KCNH7: variants seen among roughly 807,000 people sequenced by gnomAD.
KCNH7 encodes potassium voltage-gated channel subfamily H member 7, also known as voltage-gated inwardly rectifying potassium channel KCNH7.
In KCNH7, 49 loss-of-function variants were observed where a neutral mutation model predicts 120.8. The observed-to-expected ratio is 0.41, with a 90% CI of 0.32 to 0.51. The LOEUF is 0.51. Among genes scored for constraint, KCNH7 ranks in the 20% least tolerant of loss-of-function variants. The pLI, the probability that KCNH7 is intolerant of heterozygous loss-of-function variation, is 0.38. For synonymous variants in KCNH7, 547 were observed against 516.1 expected (o/e 1.06, Z -0.81); for missense variants, 1,097 against 1,446.6 (o/e 0.76, Z 3.92).
At chr2:162,807,795 G>A (rs992322262) in intron 2 of KCNH7, among the ~76,000 whole-genome samples, 16 of 151,986 alleles carry the variant, frequency 1.1e-4, no homozygotes, top group Non-Finnish European at 2.2e-4. Context: ...CGATTCTCCT[G>A]CCTCAGCCTC....
intron 6 of KCNH7, among the ~76,000 whole-genome samples, chr2:162,455,365 A>G (rs953567729): frequency 6.6e-6 from 1 of 152,172 alleles, no homozygotes; most frequent in East Asian, 1.9e-4. Context: ...CTTCACATCA[A>G]TGTTCATCAG....
chr2:162,741,703 TA>T (rs1406417718), intron 2 of KCNH7, among the ~76,000 whole-genome samples: 3 of 152,108 alleles, frequency 2.0e-5, no homozygotes, highest in Non-Finnish European at 2.9e-5. Context: ...AACATAAACA[TA>T]ATGGTATTTT....
intron 2 of KCNH7, among the ~76,000 whole-genome samples, chr2:162,654,321 T>A (rs1684668861): frequency 6.6e-6 from 1 of 151,604 alleles, no homozygotes; most frequent in African/African-American, 2.4e-5. Flanking sequence ...ATCCAATCAT[T>A]TCAAAATGAG....
chr2:162,413,243 C>T lies in KCNH7; in HGVS notation c.2154+10093G>A, dbSNP rs554392890. The stretch of plus-strand genomic sequence containing the variant: ...TCCTGGCTTCAGGACATTCTCCTGC[C>T]TCAGCCTCCCAGATAGCTGGGATTG... On this transcript the variant is annotated intron_variant, in intron 9 of 15. Coordinates refer to ENST00000332142, the MANE Select transcript of KCNH7 (RefSeq NM_033272.4). 5.9e-5 allele frequency among the ~76,000 whole-genome samples: 9 copies of T among 152,194 alleles called. No individual in the cohort carries two copies. The South Asian group carries it at 1.9e-3, about 32-fold the overall frequency.
intron 2 of KCNH7, among the ~76,000 whole-genome samples, chr2:162,748,983 CTTCCTTCT>C (rs879856527): frequency 0.022 from 2,805 of 128,538 alleles, 516 homozygotes; most frequent in East Asian, 0.065. Context: ...TCCTTCCTTC[CTTCCTTCT>C]TTCCTCTCTT....
intron 2 of KCNH7, among the ~76,000 whole-genome samples, chr2:162,835,274 A>G (rs80191418): frequency 2.6e-5 from 4 of 152,106 alleles, no homozygotes; most frequent in Non-Finnish European, 4.4e-5. Context: ...TAACCACTCA[A>G]CTTCATGTTA....
intron 2 of KCNH7, among the ~76,000 whole-genome samples, chr2:162,581,582 T>C (rs1417058398): frequency 2.2e-5 from 3 of 137,708 alleles, no homozygotes; most frequent in African/African-American, 8.7e-5. Flanking sequence ...TTACCTTGTT[T>C]AACTGCAATT....
intron 3 of KCNH7, among the ~76,000 whole-genome samples, chr2:162,520,428 T>G (rs1461826710): frequency 6.6e-6 from 1 of 151,780 alleles, no homozygotes; most frequent in Non-Finnish European, 1.5e-5. Context: ...ATTTGTACCA[T>G]TATTGTCCAC....
chr2:162,826,823 A>G (rs2105606530), intron 2 of KCNH7, among the ~76,000 whole-genome samples: 1 of 152,242 alleles, frequency 6.6e-6, no homozygotes, highest in East Asian at 1.9e-4. Context: ...CATAGAAACA[A>G]ATTACTACAA....
At chr2:162,636,371 C>A (rs1247812711) in intron 2 of KCNH7, among the ~76,000 whole-genome samples, 1 of 152,080 alleles carries the variant, frequency 6.6e-6, no homozygotes, top group Non-Finnish European at 1.5e-5. Flanking sequence ...GTATCTGTTG[C>A]CAAGTGCTGT....
intron 2 of KCNH7, among the ~76,000 whole-genome samples, chr2:162,648,733 T>C (rs1017547441): frequency 1.3e-5 from 2 of 152,176 alleles, no homozygotes; most frequent in African/African-American, 2.4e-5. Flanking sequence ...TCTTGGCCTA[T>C]AGAGTCTTAA....
At chr2:162,744,703 G>A (rs1688255537) in intron 2 of KCNH7, among the ~76,000 whole-genome samples, 1 of 151,428 alleles carries the variant, frequency 6.6e-6, no homozygotes, top group Non-Finnish European at 1.5e-5. Flanking sequence ...CTCCCGAGTA[G>A]CTGGGACTAC....
chr2:162,386,243 T>C (rs901552375), intron 12 of KCNH7, among the ~76,000 whole-genome samples: 2 of 151,854 alleles, frequency 1.3e-5, no homozygotes, highest in Non-Finnish European at 2.9e-5. Flanking sequence ...CAAATCTTCT[T>C]ACAAAAAGCC....
At chr2:162,734,315 T>C (rs1266344564) in intron 2 of KCNH7, among the ~76,000 whole-genome samples, 1 of 152,182 alleles carries the variant, frequency 6.6e-6, no homozygotes, top group Non-Finnish European at 1.5e-5. Flanking sequence ...ATATTATCTG[T>C]AAAAGAATTA....
intron 6 of KCNH7, among the ~76,000 whole-genome samples, chr2:162,500,352 T>C (rs1690641810): frequency 1.3e-5 from 1 of 75,166 alleles, no homozygotes; most frequent in Admixed American, 2.1e-4. Context: ...ATGTAATATA[T>C]AGTATATAGT....
intron 6 of KCNH7, among the ~76,000 whole-genome samples, chr2:162,498,496 G>A (rs1044200233): frequency 6.6e-6 from 1 of 151,460 alleles, no homozygotes; most frequent in Non-Finnish European, 1.5e-5. Flanking sequence ...GTGTGTGGGG[G>A]GGAGGGTGGG....
intron 2 of KCNH7, among the ~76,000 whole-genome samples, chr2:162,714,435 G>A (rs1687038952): frequency 6.6e-6 from 1 of 152,306 alleles, no homozygotes; most frequent in East Asian, 1.9e-4. Flanking sequence ...AGCTGACAAA[G>A]CAGGTACATT....
At chr2:162,468,512 CTTTTTTTTTTTT>C (rs1166606647) in intron 6 of KCNH7, among the ~76,000 whole-genome samples, 3 of 78,918 alleles carry the variant, frequency 3.8e-5, no homozygotes, top group South Asian at 4.0e-4. Flanking sequence ...TATTCTTTTC[CTTTTTTTTTTTT>C]TTTTTTTTTT....
At chr2:162,499,024 G>T (rs905631087) in intron 6 of KCNH7, among the ~76,000 whole-genome samples, 8 of 151,980 alleles carry the variant, frequency 5.3e-5, no homozygotes, top group Non-Finnish European at 1.0e-4. Context: ...TGATACAATG[G>T]CCAATAAAGA....
Sources: gnomAD v4.1 joint callset for allele counts (sites outside exome capture counted in the v4.1 genomes callset) on GRCh38, gnomAD v4.1.1 for gene constraint, MANE v1.5 for transcripts, NCBI Gene and HGNC (gene_info 2026-07-23, HGNC 2026-07-21) for gene names.